Variants in ENOX1 observed in about 807,000 individuals in gnomAD.
The protein encoded by ENOX1 is ecto-NOX disulfide-thiol exchanger 1.
In ENOX1, 42 loss-of-function variants were observed where a neutral mutation model predicts 82.5. The ratio of observed to expected loss-of-function variants is 0.51; its 90% confidence interval spans 0.40 to 0.66. The LOEUF is 0.66. ENOX1 is among the 30% of genes least tolerant of loss of function. The pLI is 0.00. For missense variants in ENOX1, 608 were observed against 811.6 expected (o/e 0.75, Z 3.05); for synonymous variants, 271 against 282.2 (o/e 0.96, Z 0.40).
intron 12 of ENOX1, among the ~76,000 whole-genome samples, chr13:43,289,320 A>G (rs2045873654): frequency 6.6e-6 from 1 of 152,196 alleles, no homozygotes; most frequent in Non-Finnish European, 1.5e-5. Context: ...TTCAAACTAT[A>G]TACTAAAAAA....
At chr13:43,264,502 TTAAG>T in intron 14 of ENOX1, among the ~76,000 whole-genome samples, 1 of 152,276 alleles carries the variant, frequency 6.6e-6, no homozygotes, top group Middle Eastern at 3.4e-3. Context: ...ACAATAATGA[TTAAG>T]TGGGATTTTT....
chr13:43,561,960 C>A (rs1469130633), intron 2 of ENOX1, among the ~76,000 whole-genome samples: 1 of 147,888 alleles, frequency 6.8e-6, no homozygotes, highest in Non-Finnish European at 1.5e-5. Context: ...CAGAATGAGA[C>A]CCTGTCAAAA....
intron 1 of ENOX1, among the ~76,000 whole-genome samples, chr13:43,749,818 C>T (rs1016971620): frequency 6.6e-6 from 1 of 152,170 alleles, no homozygotes; most frequent in African/African-American, 2.4e-5. Context: ...TAAAAGTATT[C>T]TCACCATCAT....
intron 3 of ENOX1, among the ~76,000 whole-genome samples, chr13:43,422,228 G>A (rs2055021568): frequency 6.6e-6 from 1 of 152,132 alleles, no homozygotes; most frequent in Non-Finnish European, 1.5e-5. Flanking sequence ...ACCAATGTAG[G>A]ATCACAAGCA....
chr13:43,772,018 T>G (rs1951658896), intron 1 of ENOX1, among the ~76,000 whole-genome samples: 2 of 145,412 alleles, frequency 1.4e-5, no homozygotes. Flanking sequence ...TCTCCTGACC[T>G]CATGATCCGC....
intron 1 of ENOX1, among the ~76,000 whole-genome samples, chr13:43,764,623 C>T (rs1951166920): frequency 1.3e-5 from 2 of 151,574 alleles, no homozygotes; most frequent in Non-Finnish European, 2.9e-5. Context: ...AACATCATGG[C>T]TCTCAGAAAA....
intron 1 of ENOX1, among the ~76,000 whole-genome samples, chr13:43,711,865 G>T (rs2087744179): frequency 6.8e-6 from 1 of 148,064 alleles, no homozygotes; most frequent in Non-Finnish European, 1.5e-5. Context: ...TTCCCATTTT[G>T]TAGGTTGCCT....
At chr13:43,617,184 C>A (rs1050496921) in intron 2 of ENOX1, among the ~76,000 whole-genome samples, 1 of 152,090 alleles carries the variant, frequency 6.6e-6, no homozygotes, top group African/African-American at 2.4e-5. Flanking sequence ...GAATGTATTC[C>A]GTATGTATGG....
intron 14 of ENOX1, among the ~76,000 whole-genome samples, chr13:43,247,850 TATATATATATATATA>T (rs2043177621): frequency 4.6e-4 from 1 of 2,190 alleles, no homozygotes; most frequent in African/African-American, 6.4e-4. Context: ...TATATATATA[TATATATATATATATA>T]TATATATATA....
intron 2 of ENOX1, among the ~76,000 whole-genome samples, chr13:43,499,876 A>G (rs905260369): frequency 1.3e-5 from 2 of 152,102 alleles, no homozygotes; most frequent in African/African-American, 4.8e-5. Flanking sequence ...TAGAAGTTCA[A>G]CAAAGAGATA....
intron 2 of ENOX1, among the ~76,000 whole-genome samples, chr13:43,514,660 G>A (rs1201823853): frequency 2.6e-5 from 4 of 152,126 alleles, no homozygotes; most frequent in East Asian, 3.9e-4. Flanking sequence ...TGTCTAAAGC[G>A]ATATGGCAAA....
At chr13:43,487,829 A>C (rs905715790) in intron 2 of ENOX1, among the ~76,000 whole-genome samples, 1 of 152,224 alleles carries the variant, frequency 6.6e-6, no homozygotes, top group Non-Finnish European at 1.5e-5. Context: ...GATGGTGGCT[A>C]TAATTCCCTA....
At chr13:43,280,986 A>G (rs1166323778) in intron 12 of ENOX1, among the ~76,000 whole-genome samples, 8 of 152,206 alleles carry the variant, frequency 5.3e-5, no homozygotes, top group Non-Finnish European at 1.0e-4. Flanking sequence ...CTGGAACCCA[A>G]CATTTTAGGA....
intron 9 of ENOX1, among the ~76,000 whole-genome samples, chr13:43,336,571 T>C (rs1340150238): frequency 6.6e-6 from 1 of 152,060 alleles, no homozygotes; most frequent in Non-Finnish European, 1.5e-5. Context: ...CCAGGAGGAG[T>C]AACCTTCACA....
At chr13:43,722,149 G>A (rs758479289) in intron 1 of ENOX1, among the ~76,000 whole-genome samples, 2 of 152,124 alleles carry the variant, frequency 1.3e-5, no homozygotes, top group Admixed American at 6.5e-5. Context: ...TTGCAAAATA[G>A]GGATAAAAGG....
chr13:43,523,681 C>T (rs993967109), intron 2 of ENOX1, among the ~76,000 whole-genome samples: 63 of 152,178 alleles, frequency 4.1e-4, no homozygotes, highest in African/African-American at 1.4e-3. Flanking sequence ...CCGTCAATGC[C>T]CTATCTCATT....
chr13:43,326,279 G>T, intron 10 of ENOX1, 140 bp downstream of exon 10: 1 of 690,328 alleles, frequency 1.4e-6, no homozygotes. Flanking sequence ...AATCTCAGCT[G>T]CATTTGGAGC....
At chr13:43,750,994 T>C (rs542205934) in intron 1 of ENOX1, among the ~76,000 whole-genome samples, 1 of 152,292 alleles carries the variant, frequency 6.6e-6, no homozygotes, top group Admixed American at 6.5e-5. Context: ...GCCTACAGGC[T>C]AAAATCCTAA....
intron 5 of ENOX1, chr13:43,394,938 A>G (rs1207061827): frequency 6.6e-6 from 1 of 152,154 alleles, no homozygotes; most frequent in East Asian, 1.9e-4. Context: ...ATTTCTTCAC[A>G]TATGAATTGG....
Sources: gnomAD v4.1 joint callset for allele counts (sites outside exome capture counted in the v4.1 genomes callset) on GRCh38, gnomAD v4.1.1 for gene constraint, MANE v1.5 for transcripts, NCBI Gene and HGNC (gene_info 2026-07-23, HGNC 2026-07-21) for gene names.